The following CEP83 variants were observed in gnomAD, a reference collection of about 807,000 sequenced individuals.
CEP83 encodes centrosomal protein 83, also known as centrosomal protein of 83 kDa.
Under a neutral mutation model 101.9 loss-of-function variants are expected in CEP83, and 70 were observed. That is an observed-to-expected ratio of 0.69 (90% confidence interval 0.57 to 0.84). The LOEUF is 0.84. Ranked by LOEUF, CEP83 falls within the 40% of genes least tolerant of loss-of-function variation. The pLI is 0.00. For missense variants in CEP83, 715 were observed against 787.2 expected (o/e 0.91, Z 1.10); for synonymous variants, 264 against 267.9 (o/e 0.99, Z 0.14).
At chr12:94,446,945 C>A (rs1475068714) in intron 1 of CEP83, among the ~76,000 whole-genome samples, 2 of 151,860 alleles carry the variant, frequency 1.3e-5, no homozygotes, top group African/African-American at 2.4e-5. Flanking sequence ...TAAAAAGGAG[C>A]GAGAGAAAAA....
chr12:94,334,441 C>T (rs1033581538), intron 12 of CEP83, among the ~76,000 whole-genome samples: 1 of 152,150 alleles, frequency 6.6e-6, no homozygotes, highest in Non-Finnish European at 1.5e-5. Flanking sequence ...GACAGTTACA[C>T]ATACCTCCCC....
At chr12:94,292,291 T>C in the CEP83 span, among the ~76,000 whole-genome samples, 3 of 152,126 alleles carry the variant, frequency 2.0e-5, no homozygotes, top group African/African-American at 7.2e-5. Context: ...TGGATGAAGA[T>C]GGGGTGGTCA....
intron 6 of CEP83, among the ~76,000 whole-genome samples, chr12:94,388,569 C>CTGA (rs1414566521): frequency 2.6e-5 from 4 of 152,006 alleles, no homozygotes; most frequent in African/African-American, 9.7e-5. Context: ...CAAATCTACA[C>CTGA]ATGTAACCCC....
In CEP83 at chr12:94,403,236, C is replaced by G; in HGVS notation, c.351G>C (p.Leu117Phe). The G allele has an allele frequency of 6.4e-7, 1 of 1,565,966 alleles. No individual in the cohort carries two copies. The highest frequency in any genetic ancestry group is 8.8e-7 in the Non-Finnish European group (1 of 1,137,992). Residue 117 changes from leucine (L) to phenylalanine (F), a missense_variant, in exon 5 of 17, where the codon TTG (leucine) becomes TTC (phenylalanine). Leu to Phe is a conservative substitution (Grantham distance 22, BLOSUM62 0). Coordinates refer to ENST00000397809, the MANE Select transcript of CEP83 (RefSeq NM_016122.3). ...ATTCTTGTTGTATTTGGGCTCTTAG[C>G]AATTCCAATTTTTGTGGAGTTAATA... ...LQILTPQKLELLRAQIQQELE... is the reference protein window; with the variant it reads ...LQILTPQKLEFLRAQIQQELE...
intron 8 of CEP83, among the ~76,000 whole-genome samples, chr12:94,372,968 A>C (rs545266211): frequency 8.5e-5 from 13 of 152,356 alleles, no homozygotes; most frequent in African/African-American, 2.9e-4. Context: ...TACTTAACGT[A>C]TGAAAATGTA....
chr12:94,382,472 G>C (rs1407212419), intron 6 of CEP83, among the ~76,000 whole-genome samples: 2 of 151,458 alleles, frequency 1.3e-5, no homozygotes, highest in Non-Finnish European at 3.0e-5. Context: ...TGTATTTAGT[G>C]CTATAAATGT....
chr12:94,266,185 GA>G, the CEP83 span, among the ~76,000 whole-genome samples: 1 of 152,180 alleles, frequency 6.6e-6, no homozygotes, highest in African/African-American at 2.4e-5. Flanking sequence ...CCTAATTGGA[GA>G]AGGCACCACT....
At chr12:94,295,663 C>T in the CEP83 span, among the ~76,000 whole-genome samples, 3 of 152,242 alleles carry the variant, frequency 2.0e-5, no homozygotes, top group East Asian at 5.8e-4. Context: ...GCTGGATGAA[C>T]CCAACGATTA....
At chr12:94,286,752 TC>T in the CEP83 span, among the ~76,000 whole-genome samples, 3 of 152,130 alleles carry the variant, frequency 2.0e-5, no homozygotes, top group South Asian at 4.1e-4. Context: ...GACGGCCAGT[TC>T]CTCCTACTAT....
At chr12:94,277,910 G>C in the CEP83 span, 1 of 455,926 alleles carries the variant, frequency 2.2e-6, no homozygotes, top group Non-Finnish European at 4.4e-6. Context: ...GTTGAGGTAG[G>C]CCTGAGGGTT....
chr12:94,457,031 C>T (rs943336025), intron 1 of CEP83, among the ~76,000 whole-genome samples: 1 of 151,846 alleles, frequency 6.6e-6, no homozygotes, highest in Admixed American at 6.6e-5. Flanking sequence ...GGAGTTGAAC[C>T]TTATAGAAAA....
chr12:94,283,584 C>G, the CEP83 span, among the ~76,000 whole-genome samples: 4 of 152,166 alleles, frequency 2.6e-5, no homozygotes, highest in Non-Finnish European at 5.9e-5. Flanking sequence ...AAATCAGTCT[C>G]CCTGAGCGTT....
intron 6 of CEP83, among the ~76,000 whole-genome samples, chr12:94,393,832 G>A (rs1182004959): frequency 8.6e-5 from 13 of 151,888 alleles, no homozygotes; most frequent in Admixed American, 4.6e-4. Flanking sequence ...CACCATTAAC[G>A]GACAAACAGA....
chr12:94,284,690 G>A, the CEP83 span, among the ~76,000 whole-genome samples: 1 of 151,980 alleles, frequency 6.6e-6, no homozygotes, highest in African/African-American at 2.4e-5. Flanking sequence ...GGCCAGATTC[G>A]GACCTGGATA....
At chr12:94,280,915 C>G in the CEP83 span, among the ~76,000 whole-genome samples, 3 of 152,340 alleles carry the variant, frequency 2.0e-5, no homozygotes, top group East Asian at 5.8e-4. Context: ...AGCCTATCAG[C>G]TATGTCAGGC....
chr12:94,327,857 A>G (rs1239064017), intron 14 of CEP83, among the ~76,000 whole-genome samples: 1 of 152,186 alleles, frequency 6.6e-6, no homozygotes, highest in Non-Finnish European at 1.5e-5. Context: ...TTGTCTGTCT[A>G]GCACAGTGGT....
rs1969297246 is a variant in CEP83 at position 94,308,369 on chromosome 12, T to G, written c.*444A>C. ...ATAGATACCTTTACATTCTTTAGGC[T>G]GACTTTTAAATTGTCATCTTTTTTC... On this transcript the variant is annotated 3_prime_UTR_variant, in exon 17 of 17. Coordinates refer to ENST00000397809, the MANE Select transcript of CEP83 (RefSeq NM_016122.3). The G allele has an allele frequency of 6.5e-6, 1 of 153,144 alleles. No individual in the cohort carries two copies. The highest frequency in any genetic ancestry group is 2.0e-4 in the South Asian group (1 of 4,902). 9.5% of individuals were successfully genotyped at this position (153,144 alleles called of 1,614,324 possible).
chr12:94,460,179 A>T (rs2068047921), upstream of CEP83: 1 of 152,144 alleles, frequency 6.6e-6, no homozygotes, highest in African/African-American at 2.4e-5. Context: ...GGGGACGGAA[A>T]ATCTAGCCCC....
At chr12:94,331,028 C>T (rs1186112662) in intron 14 of CEP83, among the ~76,000 whole-genome samples, 1 of 152,074 alleles carries the variant, frequency 6.6e-6, no homozygotes. Flanking sequence ...CGGTAGCTCA[C>T]ACCTCTTAAT....
Sources: gnomAD v4.1 joint callset for allele counts (sites outside exome capture counted in the v4.1 genomes callset) on GRCh38, gnomAD v4.1.1 for gene constraint, MANE v1.5 for transcripts, NCBI Gene and HGNC (gene_info 2026-07-23, HGNC 2026-07-21) for gene names.